PRKCB: variants seen among roughly 807,000 people sequenced by gnomAD.
PRKCB encodes protein kinase C beta type.
In PRKCB, 13 loss-of-function variants were observed where a neutral mutation model predicts 81.5. The ratio of observed to expected loss-of-function variants is 0.16; its 90% CI spans 0.10 to 0.25. The LOEUF is 0.25. Ranked by LOEUF, PRKCB falls within the 10% of genes least tolerant of loss-of-function variation. The probability of loss-of-function intolerance (pLI) is 1.00; values close to 1 mark genes in which losing one functional copy is unlikely to be tolerated. For synonymous variants in PRKCB, 335 were observed against 321.4 expected, an observed-to-expected ratio of 1.04 and a Z score of -0.45; for missense variants, 509 against 875.7, an observed-to-expected ratio of 0.58 and a Z score of 5.29.
chr16:23,895,424 A>G (rs1697418154), intron 2 of PRKCB, among the ~76,000 whole-genome samples: 1 of 152,026 alleles, frequency 6.6e-6, no homozygotes, highest in African/African-American at 2.4e-5. Flanking sequence ...CCTCAGTTTT[A>G]TCACTCTTCC....
intron 5 of PRKCB, among the ~76,000 whole-genome samples, chr16:24,085,504 A>G (rs540391263): frequency 1.3e-5 from 2 of 152,272 alleles, no homozygotes; most frequent in South Asian, 4.1e-4. Flanking sequence ...ATCCTCTATC[A>G]TTAGGGTAGT....
chr16:23,869,037 CT>C (rs1471815798), intron 2 of PRKCB: 5 of 441,128 alleles, frequency 1.1e-5, no homozygotes, highest in Non-Finnish European at 2.3e-5. Context: ...GTGTTGTTGT[CT>C]CAATTATTTG....
intron 2 of PRKCB, among the ~76,000 whole-genome samples, chr16:23,979,133 C>T (rs1337972206): frequency 1.3e-5 from 2 of 152,164 alleles, no homozygotes; most frequent in Admixed American, 6.5e-5. Context: ...TCACTTATTC[C>T]TCATAACAAC....
intron 7 of PRKCB, among the ~76,000 whole-genome samples, chr16:24,109,556 C>T (rs1196797236): frequency 1.2e-4 from 14 of 114,242 alleles, no homozygotes; most frequent in Admixed American, 5.9e-4. Flanking sequence ...GATGGCCGCC[C>T]GGCAGAGGTG....
intron 1 of PRKCB, 102 bp downstream of exon 1, chr16:23,836,450 C>G: frequency 6.8e-7 from 1 of 1,472,684 alleles, no homozygotes. Flanking sequence ...CCTCCGCACC[C>G]TGGGACCCCG....
intron 2 of PRKCB, among the ~76,000 whole-genome samples, chr16:23,921,233 C>T (rs539988857): frequency 6.6e-6 from 1 of 152,276 alleles, no homozygotes; most frequent in African/African-American, 2.4e-5. Context: ...TAGTAGAGGG[C>T]TTAAGAAAAC....
chr16:23,882,135 A>G (rs1320456654), intron 2 of PRKCB, among the ~76,000 whole-genome samples: 1 of 140,498 alleles, frequency 7.1e-6, no homozygotes, highest in Non-Finnish European at 1.5e-5. Flanking sequence ...GCTGGAGTGC[A>G]GTGGGGCAAT....
chr16:24,112,877 G>T, intron 7 of PRKCB, 96 bp from the exon 8 acceptor site: 1 of 846,688 alleles, frequency 1.2e-6, no homozygotes, highest in South Asian at 1.8e-5. Context: ...ATTTTTTCAA[G>T]TAGAGCTTTA....
intron 16 of PRKCB, among the ~76,000 whole-genome samples, chr16:24,194,319 C>A (rs1331083899): frequency 6.6e-6 from 1 of 151,994 alleles, no homozygotes; most frequent in Non-Finnish European, 1.5e-5. Context: ...GAGCAAGACT[C>A]CGTCTCAAAA....
At chr16:23,860,001 A>T (rs1426041303) in intron 2 of PRKCB, among the ~76,000 whole-genome samples, 1 of 152,046 alleles carries the variant, frequency 6.6e-6, no homozygotes, top group Non-Finnish European at 1.5e-5. Context: ...AAATAAATGA[A>T]GTTTTGAGGC....
At chr16:23,886,380 G>T (rs1049530137) in intron 2 of PRKCB, among the ~76,000 whole-genome samples, 1 of 149,770 alleles carries the variant, frequency 6.7e-6, no homozygotes, top group Non-Finnish European at 1.5e-5. Flanking sequence ...GAGTCACTGC[G>T]AGGGTTGGAC....
At chr16:23,944,521 A>G (rs1964180378) in intron 2 of PRKCB, among the ~76,000 whole-genome samples, 2 of 152,236 alleles carry the variant, frequency 1.3e-5, no homozygotes, top group African/African-American at 4.8e-5. Context: ...TAAGGTCTCC[A>G]TGGCCCAAGA....
intron 16 of PRKCB, among the ~76,000 whole-genome samples, chr16:24,203,515 G>A (rs1044571776): frequency 1.3e-5 from 2 of 152,102 alleles, no homozygotes; most frequent in African/African-American, 2.4e-5. Context: ...GGGATTAAGT[G>A]TCCAGCACAA....
chr16:23,891,231 T>A (rs1414138455), intron 2 of PRKCB, among the ~76,000 whole-genome samples: 1 of 152,002 alleles, frequency 6.6e-6, no homozygotes, highest in Non-Finnish European at 1.5e-5. Flanking sequence ...ATTATTATTT[T>A]TGGTAGAGAT....
rs1290760874 is a variant in PRKCB, at chr16:24,065,827, C to T, written c.530-26964C>T. ...ACTTCAAGTCCAGTCTGGGCAACATCGTGAGATCCCATCTCTGGGGAAAAA... is the reference window on the plus strand; with the variant it reads ...ACTTCAAGTCCAGTCTGGGCAACATTGTGAGATCCCATCTCTGGGGAAAAA... On this transcript the variant is annotated intron_variant, in intron 5 of 16. Transcript: ENST00000643927. Among the ~76,000 whole-genome samples, 5 of 152,154 alleles carry T rather than the reference C, an allele frequency of 3.3e-5. No homozygotes were observed. The South Asian group carries it at 6.2e-4, about 19-fold the overall frequency.
At chr16:24,071,440 A>T (rs1240002605) in intron 5 of PRKCB, among the ~76,000 whole-genome samples, 1 of 119,256 alleles carries the variant, frequency 8.4e-6, no homozygotes, top group Non-Finnish European at 1.7e-5. Context: ...CCTGTCTAAA[A>T]AAAAAAAAAA....
At chr16:24,088,484 T>C (rs1966335476) in intron 5 of PRKCB, among the ~76,000 whole-genome samples, 1 of 152,028 alleles carries the variant, frequency 6.6e-6, no homozygotes, top group African/African-American at 2.4e-5. Flanking sequence ...CCCAGCACTT[T>C]GGGAGGCCGA....
intron 16 of PRKCB, among the ~76,000 whole-genome samples, chr16:24,199,466 C>A (rs888447227): frequency 1.3e-5 from 2 of 152,082 alleles, no homozygotes; most frequent in African/African-American, 2.4e-5. Flanking sequence ...GAAAGTGTAA[C>A]CTTTGTATGT....
chr16:23,876,254 T>C (rs1963012865), intron 2 of PRKCB, among the ~76,000 whole-genome samples: 1 of 152,232 alleles, frequency 6.6e-6, no homozygotes, highest in Non-Finnish European at 1.5e-5. Context: ...ATTATATACG[T>C]AATTTTACTT....
Sources: allele counts gnomAD v4.1 joint callset (sites outside exome capture counted in the v4.1 genomes callset), GRCh38; gene constraint gnomAD v4.1.1; transcripts MANE v1.5; gene names NCBI Gene and HGNC (gene_info 2026-07-23, HGNC 2026-07-21).